HELZ: variants seen among roughly 807,000 people sequenced by gnomAD.
HELZ encodes ATP-dependent RNA helicase with zinc finger domain.
Under a neutral mutation model 218.2 loss-of-function variants are expected in HELZ, and 23 were observed. The observed-to-expected ratio is 0.11, with a 90% CI of 0.08 to 0.15. The LOEUF (loss-of-function observed/expected upper bound fraction) is 0.15. HELZ is among the 10% of genes least tolerant of loss of function. The pLI, the probability that HELZ is intolerant of heterozygous loss-of-function variation, is 1.00. For missense variants in HELZ, 1,813 were observed against 2,353.7 expected (o/e 0.77, Z 4.75); for synonymous variants, 814 against 829.4 (o/e 0.98, Z 0.32).
chr17:67,160,366 C>T lies in HELZ; in HGVS notation c.2076-4G>A. ...AGAATGGGTGCAAATGAGAATCCTG[C>T]TGAAATAAATGGTGCAAATAAAAAG... On this transcript the variant is annotated splice_region_variant and splice_polypyrimidine_tract_variant and intron_variant, in intron 16 of 32. Transcript: ENST00000358691. 6.3e-7 allele frequency: 1 copy of T among 1,580,290 alleles called. No individual in the cohort carries two copies. Among genetic ancestry groups the T allele is most frequent in the African/African-American group, 1.3e-5 (1 of 74,286 alleles).
intron 31 of HELZ, among the ~76,000 whole-genome samples, chr17:67,087,315 C>T (rs767127963): frequency 5.3e-5 from 8 of 152,136 alleles, no homozygotes; most frequent in Non-Finnish European, 1.0e-4. Flanking sequence ...CAGTTGTGTT[C>T]CTCACTGCAT....
At position 67,138,214 on chromosome 17, in the gene HELZ, C is replaced by T. The variant is rs2038211482; in HGVS notation, c.2770-100G>A. 3.2e-6 allele frequency: 3 copies of T among 946,294 alleles called. No homozygotes were observed. In the Admixed American group the frequency reaches 1.0e-4, roughly 32 times the overall value. The allele number at this position is 946,294 out of a possible 1,614,324, so 58.6% of individuals were successfully genotyped here. On this transcript the variant is annotated intron_variant, in intron 21 of 32. Transcript: ENST00000358691. ...TGATTTATAAAGGATCCCATTTTAG[C>T]AGATGTCATTTAAAAAAAAAAAAAA...
chr17:67,134,730 T>A (rs1313264799), intron 23 of HELZ, among the ~76,000 whole-genome samples: 3 of 152,052 alleles, frequency 2.0e-5, no homozygotes, highest in Admixed American at 2.0e-4. Context: ...TAAAGTGCTG[T>A]CATTATCTAT....
intron 26 of HELZ, among the ~76,000 whole-genome samples, chr17:67,121,057 A>C (rs1472663109): frequency 6.6e-6 from 1 of 152,226 alleles, no homozygotes; most frequent in African/African-American, 2.4e-5. Context: ...AAGGAGTCTC[A>C]ACTCAAAAAA....
chr17:67,243,542 A>G (rs2143539036), intron 2 of HELZ, among the ~76,000 whole-genome samples: 1 of 152,358 alleles, frequency 6.6e-6, no homozygotes, highest in South Asian at 2.1e-4. Context: ...AATAGCTGCA[A>G]GTAACATTTG....
rs534505082 is a variant in HELZ at position 67,105,544 on chromosome 17, A to G, written c.5241+1625T>C. ...GGAATTAGACAGTAGTGATGACTGT[A>G]TAACATTGTGAATACACTAAAATCC... On this transcript the variant is annotated intron_variant, in intron 31 of 32. Transcript: ENST00000358691. Among the ~76,000 whole-genome samples the G allele has an allele frequency of 5.9e-5, 9 of 152,330 alleles. No individual in the cohort carries two copies. In the South Asian group the frequency reaches 6.2e-4, roughly 11 times the overall value.
At chr17:67,160,095 T>C (rs987302549) in intron 17 of HELZ, among the ~76,000 whole-genome samples, 166 bp downstream of exon 17, 2 of 152,178 alleles carry the variant, frequency 1.3e-5, no homozygotes, top group African/African-American at 4.8e-5. Flanking sequence ...AGTCAAAGAT[T>C]TTTACATTTT....
At chr17:67,116,977 C>A (rs571995311) in intron 27 of HELZ, among the ~76,000 whole-genome samples, 6 of 152,320 alleles carry the variant, frequency 3.9e-5, no homozygotes, top group African/African-American at 1.4e-4. Flanking sequence ...CTGCCTCAGC[C>A]TCCCGAGTAG....
chr17:67,087,135 T>C (rs1353126548), intron 31 of HELZ, 54 bp from the exon 32 acceptor site: 23 of 1,545,466 alleles, frequency 1.5e-5, no homozygotes, highest in Non-Finnish European at 1.9e-5. Context: ...GCCATAGTCC[T>C]CTCTCTTTTC....
chr17:67,108,546 G>T lies in HELZ; in HGVS notation c.4670C>A (p.Ala1557Glu), dbSNP rs1272968220. 6.2e-7 allele frequency: 1 copy of T among 1,614,006 alleles called. No homozygotes were observed. The highest frequency in any genetic ancestry group is 8.5e-7 in the Non-Finnish European group (1 of 1,180,010). Reference protein sequence around the residue: ...PLGLHQPPVRADWKLTSSAED... With the variant: ...PLGLHQPPVREDWKLTSSAED... ...GGCACTGCTGGTGAGCTTCCAGTCT[G>T]CCCTCACTGGCGGCTGATGTAATCC... Residue 1557 changes from alanine (A) to glutamate (E), a missense_variant, in exon 30 of 33, where the codon GCA (alanine) becomes GAA (glutamate). By Grantham distance (107) the Ala-to-Glu change is moderately radical. Transcript: ENST00000358691. This position sits in a 1 kb window ranked among gnomAD's most constrained non-coding sequence, Gnocchi z 4.1.
chr17:67,136,451 T>C (rs1348603515), intron 22 of HELZ, among the ~76,000 whole-genome samples: 1 of 152,178 alleles, frequency 6.6e-6, no homozygotes, highest in African/African-American at 2.4e-5. Flanking sequence ...CTTACATACA[T>C]ACTCAAAAGA....
chr17:67,243,416 C>T (rs1199000060), intron 2 of HELZ, among the ~76,000 whole-genome samples: 4 of 152,168 alleles, frequency 2.6e-5, no homozygotes, highest in Admixed American at 2.0e-4. Flanking sequence ...CGGGACTAAA[C>T]GTACAGTAGG....
chr17:67,190,376 T>C (rs768485174), intron 9 of HELZ, 21 bp from the exon 10 acceptor site: 1 of 1,549,962 alleles, frequency 6.5e-7, no homozygotes, highest in Non-Finnish European at 8.9e-7. Flanking sequence ...TAGGAAAGAC[T>C]GTTTTATCAT....
chr17:67,128,822 A>G lies in HELZ; in HGVS notation c.3216T>C (p.His1072=), dbSNP rs752304368. ...TGATTCCATGTAGGCTACTGTTTTCATGACACAGGGCAATAAACCGTTCCC... is the reference window on the plus strand; with the variant it reads ...TGATTCCATGTAGGCTACTGTTTTCGTGACACAGGGCAATAAACCGTTCCC... The part of the protein sequence containing the change: ...KFWERFIALC[H]ENSSLHGITF... Residue 1072 remains histidine, a synonymous_variant, in exon 24 of 33, where the codon CAT becomes CAC. Coordinates refer to ENST00000358691, the MANE Select transcript of HELZ (RefSeq NM_014877.4). 3.7e-5 allele frequency: 60 copies of G among 1,614,020 alleles called. 1 individual carries two copies. The South Asian group carries it at 6.1e-4, about 17-fold the overall frequency.
At chr17:67,081,210 G>A (rs2036178899) in intron 32 of HELZ, among the ~76,000 whole-genome samples, 1 of 152,150 alleles carries the variant, frequency 6.6e-6, no homozygotes, top group Non-Finnish European at 1.5e-5. Flanking sequence ...ATGACTTTGT[G>A]AAGCAAAGCT....
rs975671234 is a variant in HELZ, at chr17:67,189,675, C to T, written c.778G>A (p.Val260Ile). 1.2e-6 allele frequency: 2 copies of T among 1,611,698 alleles called. No individual in the cohort carries two copies. Among genetic ancestry groups the T allele is most frequent in the African/African-American group, 1.3e-5 (1 of 74,986 alleles). Reference sequence around the variant, plus strand: ...AGGTCAGGATTGTGCTCTACCTTTACTCCTTCTATACATTCACTAAGCTGA... The same window carrying T: ...AGGTCAGGATTGTGCTCTACCTTTATTCCTTCTATACATTCACTAAGCTGA... ...EKVLSECIEG[V>I]KVEHNPDLSV... Residue 260 changes from valine (V) to isoleucine (I), a missense_variant, in exon 11 of 33, where the codon GTA (valine) becomes ATA (isoleucine). Transcript: ENST00000358691.
At chr17:67,244,582 C>A in intron 1 of HELZ, 1 of 768,232 alleles carries the variant, frequency 1.3e-6, no homozygotes, top group Non-Finnish European at 1.5e-6. Context: ...GAGGAGGGGG[C>A]GGGGAAAGGG....
chr17:67,208,996 G>T (rs2143191856), intron 5 of HELZ, among the ~76,000 whole-genome samples: 1 of 129,066 alleles, frequency 7.7e-6, no homozygotes, highest in East Asian at 2.7e-4. Context: ...AGAGAGGCAG[G>T]AAGGCAAAAA....
chr17:67,145,916 AG>A, intron 20 of HELZ, 26 bp from the exon 21 acceptor site: 1 of 1,592,402 alleles, frequency 6.3e-7, no homozygotes, highest in Non-Finnish European at 8.5e-7. Flanking sequence ...AAAAGAAAAA[AG>A]GGGGAAAATC....
Sources: allele counts gnomAD v4.1 joint callset (sites outside exome capture counted in the v4.1 genomes callset), GRCh38; gene constraint gnomAD v4.1.1; non-coding constraint Gnocchi (gnomAD v3.1); transcripts MANE v1.5; gene names NCBI Gene and HGNC (gene_info 2026-07-23, HGNC 2026-07-21).